The following TXNDC16 variants were observed in gnomAD, a reference collection of about 807,000 sequenced individuals.
TXNDC16 encodes thioredoxin domain containing 16.
A neutral mutation model predicts 85.6 loss-of-function variants in TXNDC16; 74 were observed. The ratio of observed to expected loss-of-function variants is 0.86; its 90% CI spans 0.72 to 1.05. TXNDC16 has a LOEUF of 1.05. Among genes scored for constraint, TXNDC16 ranks in the 50% least tolerant of loss-of-function variants. The pLI is 0.00. For synonymous variants in TXNDC16, 335 were observed against 326.5 expected, an observed-to-expected ratio of 1.03 and a Z score of -0.28; for missense variants, 959 against 947.0, an observed-to-expected ratio of 1.01 and a Z score of -0.17.
At chr14:52,540,269 ACT>A (rs1478747132) in intron 4 of TXNDC16, among the ~76,000 whole-genome samples, 1 of 152,078 alleles carries the variant, frequency 6.6e-6, no homozygotes, top group African/African-American at 2.4e-5. Context: ...CTTTTTGTGA[ACT>A]CTTTCCCAAT....
At chr14:52,507,023 T>G (rs899796803) in intron 9 of TXNDC16, among the ~76,000 whole-genome samples, 5 of 151,988 alleles carry the variant, frequency 3.3e-5, no homozygotes, top group African/African-American at 1.2e-4. Flanking sequence ...ATGCCCTCTC[T>G]CACCACTCTT....
At chr14:52,550,705 A>T (rs1437865559) in intron 1 of TXNDC16, among the ~76,000 whole-genome samples, 1 of 152,226 alleles carries the variant, frequency 6.6e-6, no homozygotes, top group Non-Finnish European at 1.5e-5. Flanking sequence ...GATGACTTGA[A>T]ATGTGCACCT....
intron 18 of TXNDC16, among the ~76,000 whole-genome samples, chr14:52,443,658 C>A (rs1333277201): frequency 6.6e-6 from 1 of 152,132 alleles, no homozygotes; most frequent in Non-Finnish European, 1.5e-5. Flanking sequence ...ATGCAAGAGG[C>A]AAATATGGCT....
Position 52,530,454 on chromosome 14 carries a change from A to ATTATTATAT in TXNDC16, c.392+6264_392+6265insATATAATAA, listed in dbSNP as rs1433815522. 4.5e-4 allele frequency among the ~76,000 whole-genome samples: 4 copies of ATTATTATAT among 8,818 alleles called. 1 individual carries two copies. The highest frequency in any genetic ancestry group is 1.9e-3 in the African/African-American group (2 of 1,074). The allele number at this position is 8,818 out of a possible 152,430, so 5.8% of individuals were successfully genotyped here. On this transcript the variant is annotated intron_variant, in intron 6 of 20. Transcript: ENST00000281741. ...AATAATATATAATATATTATTATAT[A>ATTATTATAT]ATAATATATATTATATATTATTATA...
At chr14:52,454,620 A>G (rs1329067327) in intron 18 of TXNDC16, among the ~76,000 whole-genome samples, 1 of 140,546 alleles carries the variant, frequency 7.1e-6, no homozygotes, top group Non-Finnish European at 1.5e-5. Context: ...CCTGGCCAAC[A>G]TGGTGAAACC....
chr14:52,489,802 G>C (rs1210964212), intron 11 of TXNDC16, among the ~76,000 whole-genome samples: 1 of 152,088 alleles, frequency 6.6e-6, no homozygotes, highest in Non-Finnish European at 1.5e-5. Flanking sequence ...TCACTATTCT[G>C]TCTTTCATCA....
At chr14:52,525,036 C>T (rs570349763) in intron 6 of TXNDC16, among the ~76,000 whole-genome samples, 2 of 151,676 alleles carry the variant, frequency 1.3e-5, no homozygotes, top group South Asian at 2.1e-4. Flanking sequence ...GCAGGAGAAT[C>T]GTGTGAACCC....
chr14:52,528,361 G>C (rs552947828), intron 6 of TXNDC16, among the ~76,000 whole-genome samples: 130 of 152,192 alleles, frequency 8.5e-4, no homozygotes, highest in African/African-American at 2.8e-3. Flanking sequence ...CAAGTATTTT[G>C]AGAACAATCC....
chr14:52,514,021 A>G (rs2037019489), intron 8 of TXNDC16, among the ~76,000 whole-genome samples: 1 of 152,166 alleles, frequency 6.6e-6, no homozygotes. Flanking sequence ...AGAATGAGAC[A>G]GGTCAATAAG....
At position 52,542,234 on chromosome 14, in the gene TXNDC16, G is replaced by A. The variant is rs1393704772; in HGVS notation, c.243+137C>T. The A allele has an allele frequency of 4.8e-6, 3 of 621,242 alleles. No homozygotes were observed. In the African/African-American group the frequency reaches 5.6e-5, roughly 12 times the overall value. The allele number at this position is 621,242 out of a possible 1,614,324, so 38.5% of individuals were successfully genotyped here. On this transcript the variant is annotated intron_variant, in intron 4 of 20. Transcript: ENST00000281741. ...CCTGAAACTATCTTTCTGGGCTTCT[G>A]TTTATTCTTATGAAAAAAATATATT... is the stretch of plus-strand genomic sequence containing the variant.
rs543771897 is a variant in TXNDC16, at chr14:52,543,461, G to A, written c.97C>T (p.Pro33Ser). The A allele has an allele frequency of 1.9e-6, 3 of 1,613,286 alleles. No individual in the cohort carries two copies. In the South Asian group the frequency reaches 3.3e-5, roughly 18 times the overall value. The change falls in exon 3 of 21, where the codon CCT becomes TCT. Residue 33 changes from proline to serine, a missense_variant. Physicochemically the swap from Pro to Ser is moderately conservative, Grantham distance 74. Transcript: ENST00000281741. ...PTVNSLPELSPQKYFSTLQPG... is the reference protein window; with the variant it reads ...PTVNSLPELSSQKYFSTLQPG... The stretch of plus-strand genomic sequence containing the variant: ...TGCAATGTACTAAAATATTTCTGAG[G>A]ACTCAGTTCTGGTAAAGAGTTTACT...
intron 16 of TXNDC16, among the ~76,000 whole-genome samples, chr14:52,466,428 A>C (rs1334867029): frequency 6.6e-6 from 1 of 151,010 alleles, no homozygotes; most frequent in Non-Finnish European, 1.5e-5. Context: ...ACTTCAAAAA[A>C]GAAATTAAAA....
chr14:52,544,571 A>T (rs966824909), intron 1 of TXNDC16, among the ~76,000 whole-genome samples, 200 bp from the exon 2 acceptor site: 3 of 152,096 alleles, frequency 2.0e-5, no homozygotes, highest in African/African-American at 7.2e-5. Context: ...TAAAAGTAGA[A>T]TTTTTCAGCA....
chr14:52,516,751 T>C (rs2037091548), intron 7 of TXNDC16, among the ~76,000 whole-genome samples: 1 of 151,898 alleles, frequency 6.6e-6, no homozygotes, highest in East Asian at 1.9e-4. Flanking sequence ...CCCCACATAC[T>C]CTCCTAGCAC....
At chr14:52,530,886 A>G (rs1457818996) in intron 6 of TXNDC16, among the ~76,000 whole-genome samples, 1 of 151,748 alleles carries the variant, frequency 6.6e-6, no homozygotes, top group Non-Finnish European at 1.5e-5. Flanking sequence ...ACTAGAATCA[A>G]AAGAATGAAA....
At chr14:52,460,618 A>C (rs2035631068) in intron 16 of TXNDC16, among the ~76,000 whole-genome samples, 1 of 152,174 alleles carries the variant, frequency 6.6e-6, no homozygotes, top group Non-Finnish European at 1.5e-5. Context: ...AAGCCTATTA[A>C]ATATGTCAAA....
At chr14:52,507,997 G>A (rs1434480667) in intron 9 of TXNDC16, among the ~76,000 whole-genome samples, 12 of 152,110 alleles carry the variant, frequency 7.9e-5, no homozygotes, top group Non-Finnish European at 1.3e-4. Flanking sequence ...TTTAGGACAT[G>A]GGCATGGGCA....
intron 8 of TXNDC16, 41 bp from the exon 9 acceptor site, chr14:52,511,431 G>C: frequency 7.3e-7 from 1 of 1,363,604 alleles, no homozygotes; most frequent in Non-Finnish European, 1.0e-6. Context: ...AGTTCAATAT[G>C]TGATCCTTCT....
At chr14:52,451,214 T>C (rs1302726966) in intron 18 of TXNDC16, among the ~76,000 whole-genome samples, 3 of 151,064 alleles carry the variant, frequency 2.0e-5, no homozygotes, top group African/African-American at 7.3e-5. Context: ...ACTAAAGAAC[T>C]TACCCATGTA....
Sources: gnomAD v4.1 joint callset for allele counts (sites outside exome capture counted in the v4.1 genomes callset) on GRCh38, gnomAD v4.1.1 for gene constraint, MANE v1.5 for transcripts, NCBI Gene and HGNC (gene_info 2026-07-23, HGNC 2026-07-21) for gene names.